Variants in SRP54 observed in about 807,000 individuals in gnomAD.
SRP54 encodes the protein signal recognition particle subunit SRP54.
A neutral mutation model predicts 64.8 loss-of-function variants in SRP54; 10 were observed. That is an observed-to-expected ratio of 0.15 (90% confidence interval 0.10 to 0.26). SRP54 has a LOEUF of 0.26. SRP54 is among the 10% of genes least tolerant of loss of function. The pLI, the probability that SRP54 is intolerant of heterozygous loss-of-function variation, is 1.00. For synonymous variants in SRP54, 193 were observed against 185.6 expected (o/e 1.04, Z -0.32); for missense variants, 325 against 613.7 (o/e 0.53, Z 4.97).
intron 2 of SRP54, among the ~76,000 whole-genome samples, chr14:34,998,994 T>C (rs2044121378): frequency 2.1e-5 from 2 of 96,058 alleles, no homozygotes; most frequent in Admixed American, 2.1e-4. Flanking sequence ...TGTGTGTGTG[T>C]GTGTGTGTGT....
intron 11 of SRP54, 176 bp from the exon 12 acceptor site, chr14:35,018,516 A>T: frequency 1.7e-6 from 1 of 579,932 alleles, no homozygotes; most frequent in Non-Finnish European, 3.1e-6. Flanking sequence ...TTGTCTATGT[A>T]TTCTCCCCAG....
chr14:35,013,543 A>G, intron 9 of SRP54, 49 bp downstream of exon 9: 1 of 1,567,756 alleles, frequency 6.4e-7, no homozygotes, highest in East Asian at 2.2e-5. Flanking sequence ...TATATGGGGA[A>G]GGATATGTGT....
At chr14:35,007,416 C>T (rs1566649322) in intron 5 of SRP54, 29 bp downstream of exon 5, 1 of 1,448,440 alleles carries the variant, frequency 6.9e-7, no homozygotes, top group Non-Finnish European at 9.5e-7. Context: ...AAAAAGAAGT[C>T]ATATGGAAGA....
chr14:35,002,259 C>G (rs1033674311), intron 4 of SRP54, among the ~76,000 whole-genome samples: 1 of 151,618 alleles, frequency 6.6e-6, no homozygotes, highest in Non-Finnish European at 1.5e-5. Context: ...GAGGGTGAGG[C>G]AGGAGTATTG....
At chr14:34,991,731 G>T (rs1222560481) in intron 1 of SRP54, among the ~76,000 whole-genome samples, 2 of 150,408 alleles carry the variant, frequency 1.3e-5, no homozygotes, top group Admixed American at 1.3e-4. Flanking sequence ...GTGTGTTGGG[G>T]GTGGGGGGTG....
At chr14:35,016,860 TC>T (rs557731191) in intron 11 of SRP54, among the ~76,000 whole-genome samples, 26,038 of 70,772 alleles carry the variant, frequency 0.37, 2,583 homozygotes, top group Non-Finnish European at 0.45. Context: ...TTTTTTTTTT[TC>T]TTCTTTTTTT....
intron 4 of SRP54, 123 bp downstream of exon 4, chr14:35,001,143 TAATG>T (rs2044164210): frequency 2.6e-6 from 1 of 386,878 alleles, no homozygotes; most frequent in South Asian, 9.7e-5. Context: ...ATTAAAATAT[TAATG>T]AAAGGATTAT....
chr14:35,021,129 T>C (rs760676422), intron 13 of SRP54, among the ~76,000 whole-genome samples: 14 of 152,236 alleles, frequency 9.2e-5, no homozygotes, highest in Non-Finnish European at 1.5e-4. Flanking sequence ...TTTTGAGATA[T>C]TGTATCTTTG....
intron 3 of SRP54, 22 bp from the exon 4 acceptor site, chr14:35,000,914 A>G: frequency 6.7e-7 from 1 of 1,486,248 alleles, no homozygotes; most frequent in Non-Finnish European, 9.1e-7. Context: ...CCCCACCCCA[A>G]TCACCAACCA....
chr14:35,000,318 A>G (rs1452162474), intron 3 of SRP54, among the ~76,000 whole-genome samples: 4 of 152,220 alleles, frequency 2.6e-5, no homozygotes, highest in Admixed American at 2.6e-4. Context: ...CTGTAATCCC[A>G]GCACTTTGGG....
In SRP54 at chr14:35,018,962, G is replaced by T. The variant is rs766569026; in HGVS notation, c.1048-4G>T. ...TATTGACTTTATGTTTAAATCTGTT[G>T]TAGGGGATGATCCCTGGTTTTGGGA... On this transcript the variant is annotated splice_region_variant and splice_polypyrimidine_tract_variant and intron_variant, in intron 12 of 15. Coordinates refer to ENST00000216774, the MANE Select transcript of SRP54 (RefSeq NM_003136.4). 12 of 1,611,890 alleles carry T rather than the reference G, an allele frequency of 7.4e-6. No individual in the cohort carries two copies. Among genetic ancestry groups the T allele is most frequent in the Non-Finnish European group, 1.0e-5 (12 of 1,178,152 alleles).
At chr14:35,010,260 C>T (rs929061225) in intron 7 of SRP54, among the ~76,000 whole-genome samples, 1 of 151,334 alleles carries the variant, frequency 6.6e-6, no homozygotes, top group Admixed American at 6.6e-5. Context: ...CCAGCCTGAC[C>T]AACATGGAGA....
At chr14:35,018,310 T>TTGC (rs1467979899) in intron 11 of SRP54, among the ~76,000 whole-genome samples, 3 of 152,210 alleles carry the variant, frequency 2.0e-5, no homozygotes, top group African/African-American at 7.2e-5. Context: ...CTAAAGTGTC[T>TTGC]TGCTATTCTA....
intron 1 of SRP54, among the ~76,000 whole-genome samples, chr14:34,992,040 C>T (rs569949733): frequency 2.8e-4 from 43 of 152,188 alleles, no homozygotes; most frequent in Non-Finnish European, 5.4e-4. Context: ...TCAAGCAATT[C>T]TCCTGCCTCA....
At position 34,994,968 on chromosome 14, in the gene SRP54, A is replaced by C. The variant is rs1404566395; in HGVS notation, c.-33-1709A>C. 1.8e-4 allele frequency among the ~76,000 whole-genome samples: 24 copies of C among 130,062 alleles called. 1 individual carries two copies. Among genetic ancestry groups the C allele is most frequent in the African/African-American group, 7.0e-4 (24 of 34,178 alleles). 85.3% of individuals were successfully genotyped at this position (130,062 alleles called of 152,430 possible). A position where few individuals can be genotyped will look rare whatever the true frequency, so the allele number is the denominator to read the frequency against. ...TTTTTTTTTTTTTTTTTAAGAGTTGAAGTCCTGCCTGCTATGTTGCCCAGG... is the reference window on the plus strand; with the variant it reads ...TTTTTTTTTTTTTTTTTAAGAGTTGCAGTCCTGCCTGCTATGTTGCCCAGG... On this transcript the variant is annotated intron_variant, in intron 1 of 15. Transcript: ENST00000216774.
chr14:34,996,939 T>C, intron 2 of SRP54, 152 bp downstream of exon 2: 1 of 448,236 alleles, frequency 2.2e-6, no homozygotes, highest in East Asian at 3.4e-5. Flanking sequence ...TAAGTAGTGT[T>C]TTATTGAGAA....
chr14:34,990,320 T>G (rs1244193016), intron 1 of SRP54, among the ~76,000 whole-genome samples: 1 of 152,216 alleles, frequency 6.6e-6, no homozygotes, highest in Non-Finnish European at 1.5e-5. Context: ...AGCAGCAAAA[T>G]TTGTCCTTGC....
rs2044392623 is a variant in SRP54, at chr14:35,013,788, C to T, written c.786-14C>T. 3 of 1,554,560 alleles carry T rather than the reference C, an allele frequency of 1.9e-6. No individual in the cohort carries two copies. The highest frequency in any genetic ancestry group is 1.2e-5 in the South Asian group (1 of 85,164). ...TTCTTTTGAGGTTATTTTATATTTT[C>T]TTTTTTTTTCCAGAGTCGCTGCCAC... On this transcript the variant is annotated splice_polypyrimidine_tract_variant and intron_variant, in intron 9 of 15. Coordinates refer to ENST00000216774, the MANE Select transcript of SRP54 (RefSeq NM_003136.4).
chr14:34,993,133 T>C lies in SRP54; in HGVS notation c.-33-3544T>C, dbSNP rs1594980182. 3.3e-5 allele frequency: 5 copies of C among 152,354 alleles called. 1 individual carries two copies. In the South Asian group the frequency reaches 1.0e-3, roughly 32 times the overall value. 9.4% of individuals were successfully genotyped at this position (152,354 alleles called of 1,614,324 possible). On this transcript the variant is annotated intron_variant, in intron 1 of 15. Coordinates refer to ENST00000216774, the MANE Select transcript of SRP54 (RefSeq NM_003136.4). The stretch of plus-strand genomic sequence containing the variant: ...CCTTGGCCTCCCAGAGTGCTGGGAT[T>C]ATAGGCGTAAACCACCATGCCTGGC...
Sources: allele counts gnomAD v4.1 joint callset (sites outside exome capture counted in the v4.1 genomes callset), GRCh38; gene constraint gnomAD v4.1.1; transcripts MANE v1.5; gene names NCBI Gene and HGNC (gene_info 2026-07-23, HGNC 2026-07-21).